Variants in PTPRD observed in about 807,000 individuals in gnomAD.
The protein encoded by PTPRD is receptor-type tyrosine-protein phosphatase delta.
A neutral mutation model predicts 214.5 loss-of-function variants in PTPRD; 34 were observed. That is an observed-to-expected ratio of 0.16 (90% confidence interval 0.12 to 0.21). PTPRD has a LOEUF of 0.21. Among genes scored for constraint, PTPRD ranks in the 10% least tolerant of loss-of-function variants. PTPRD has a pLI of 1.00. For synonymous variants in PTPRD, 1,128 were observed against 845.7 expected, an observed-to-expected ratio of 1.33 and a Z score of -5.79; for missense variants, 2,545 against 2,398.7, an observed-to-expected ratio of 1.06 and a Z score of -1.27.
At chr9:10,311,755 G>C (rs886722079) in intron 3 of PTPRD, among the ~76,000 whole-genome samples, 2 of 151,928 alleles carry the variant, frequency 1.3e-5, no homozygotes, top group African/African-American at 4.8e-5. Flanking sequence ...GGAATTATAA[G>C]ATCAATTTAC....
chr9:9,584,710 T>G (rs1207268125), intron 7 of PTPRD, among the ~76,000 whole-genome samples: 1 of 151,934 alleles, frequency 6.6e-6, no homozygotes, highest in African/African-American at 2.4e-5. Context: ...TCCCCCCTTT[T>G]CAGTCCTGAA....
At chr9:9,366,678 C>T (rs934063445) in intron 9 of PTPRD, among the ~76,000 whole-genome samples, 1 of 151,330 alleles carries the variant, frequency 6.6e-6, no homozygotes, top group African/African-American at 2.4e-5. Flanking sequence ...TCTTATTTGA[C>T]ACTGATTTTA....
chr9:9,557,135 A>G (rs966678048), intron 8 of PTPRD, among the ~76,000 whole-genome samples: 1 of 152,170 alleles, frequency 6.6e-6, no homozygotes, highest in Non-Finnish European at 1.5e-5. Flanking sequence ...CCAAAAACAA[A>G]ATTATAGCTC....
intron 2 of PTPRD, among the ~76,000 whole-genome samples, chr9:10,502,792 A>G (rs1350789832): frequency 6.6e-6 from 1 of 152,076 alleles, no homozygotes. Flanking sequence ...ATATCCATTT[A>G]GTTTTCAGAT....
intron 8 of PTPRD, among the ~76,000 whole-genome samples, chr9:9,483,896 T>A (rs901982204): frequency 3.3e-5 from 5 of 151,464 alleles, no homozygotes; most frequent in South Asian, 4.2e-4. Context: ...AGCAATAAAA[T>A]CCCTTTGTAT....
At chr9:8,732,932 T>C (rs1265315486) in intron 12 of PTPRD, among the ~76,000 whole-genome samples, 1 of 152,162 alleles carries the variant, frequency 6.6e-6, no homozygotes, top group Non-Finnish European at 1.5e-5. Flanking sequence ...TACTAGGTGA[T>C]TCCCAAAGAA....
chr9:9,576,356 C>T (rs72706537), intron 7 of PTPRD, among the ~76,000 whole-genome samples: 5,378 of 152,178 alleles, frequency 0.035, 136 homozygotes, highest in Non-Finnish European at 0.052. Flanking sequence ...ATCACTATCA[C>T]GGAGGTGTAA....
At chr9:9,024,415 T>C (rs1471754536) in intron 10 of PTPRD, among the ~76,000 whole-genome samples, 1 of 148,918 alleles carries the variant, frequency 6.7e-6, no homozygotes, top group Non-Finnish European at 1.5e-5. Context: ...TATATTTGCA[T>C]GAATCATGAT....
chr9:8,528,612 G>A lies in PTPRD; in HGVS notation c.520C>T (p.Arg174Cys), dbSNP rs2139456905. The A allele has an allele frequency of 6.2e-7, 1 of 1,613,600 alleles. No individual in the cohort carries two copies. Among genetic ancestry groups the A allele is most frequent in the Non-Finnish European group, 8.5e-7 (1 of 1,179,692 alleles). ...CTACCTGATCGTAACTGCTTAATAC[G>A]ACCATTGTTGTTGCTTGTGTCCACA... ...LPVDTSNNNG[R>C]IKQLRSESIG... Residue 174 changes from arginine (R) to cysteine (C), a missense_variant, in exon 15 of 46, where the codon CGT (arginine) becomes TGT (cysteine). Physicochemically the swap from Arg to Cys is radical, Grantham distance 180. Coordinates refer to ENST00000381196, the MANE Select transcript of PTPRD (RefSeq NM_002839.4).
At chr9:9,615,159 T>C (rs138934246) in intron 7 of PTPRD, among the ~76,000 whole-genome samples, 5 of 152,144 alleles carry the variant, frequency 3.3e-5, no homozygotes, top group South Asian at 2.1e-4. Context: ...CACAGACACC[T>C]TGGACTCCCT....
At chr9:9,000,230 C>T (rs149869292) in intron 11 of PTPRD, among the ~76,000 whole-genome samples, 9 of 152,030 alleles carry the variant, frequency 5.9e-5, no homozygotes, top group Admixed American at 4.6e-4. Flanking sequence ...CCTTTTAGAA[C>T]GGCAGTCCTG....
At chr9:9,407,347 T>C (rs1245956129) in intron 8 of PTPRD, among the ~76,000 whole-genome samples, 1 of 151,748 alleles carries the variant, frequency 6.6e-6, no homozygotes, top group Non-Finnish European at 1.5e-5. Context: ...ATTGATGACA[T>C]TTAGGTTGTT....
intron 9 of PTPRD, among the ~76,000 whole-genome samples, chr9:9,314,708 A>G (rs7853057): frequency 7.2e-5 from 11 of 152,188 alleles, no homozygotes; most frequent in African/African-American, 2.6e-4. Context: ...CGTGTGAACA[A>G]TTTGTCCATA....
At chr9:8,346,071 G>A (rs942988937) in intron 39 of PTPRD, among the ~76,000 whole-genome samples, 5 of 151,996 alleles carry the variant, frequency 3.3e-5, no homozygotes, top group African/African-American at 7.2e-5. Context: ...AGCTTAATCA[G>A]TATCTTCTCC....
intron 9 of PTPRD, among the ~76,000 whole-genome samples, chr9:9,348,779 G>C (rs1283604481): frequency 2.0e-5 from 3 of 151,976 alleles, no homozygotes; most frequent in Non-Finnish European, 4.4e-5. Flanking sequence ...TTGTGCTATG[G>C]AGATTCACAC....
chr9:8,606,785 T>C (rs563175633), intron 14 of PTPRD, among the ~76,000 whole-genome samples: 2 of 152,384 alleles, frequency 1.3e-5, no homozygotes, highest in South Asian at 2.1e-4. Context: ...ACCTCCTTAG[T>C]TGCCACATTT....
At chr9:9,515,846 G>A (rs1590387291) in intron 8 of PTPRD, among the ~76,000 whole-genome samples, 1 of 151,750 alleles carries the variant, frequency 6.6e-6, no homozygotes, top group African/African-American at 2.4e-5. Context: ...TCTTTGTATG[G>A]TAATTAAGCA....
intron 11 of PTPRD, among the ~76,000 whole-genome samples, chr9:8,736,813 G>A (rs1434250): frequency 3.0e-4 from 46 of 151,574 alleles, no homozygotes; most frequent in South Asian, 1.0e-3. Context: ...GTTATCAATC[G>A]CCTCTGAAAA....
At chr9:10,222,056 T>G (rs866281055) in intron 3 of PTPRD, among the ~76,000 whole-genome samples, 20 of 152,064 alleles carry the variant, frequency 1.3e-4, no homozygotes, top group Admixed American at 8.5e-4. Flanking sequence ...GTTACAGAAG[T>G]GTAAATTACC....
Sources: gnomAD v4.1 joint callset for allele counts (sites outside exome capture counted in the v4.1 genomes callset) on GRCh38, gnomAD v4.1.1 for gene constraint, MANE v1.5 for transcripts, NCBI Gene and HGNC (gene_info 2026-07-23, HGNC 2026-07-21) for gene names.